Variants in MYO10 observed in about 807,000 individuals in gnomAD.
MYO10 encodes unconventional myosin-X.
Under a neutral mutation model 257.3 loss-of-function variants are expected in MYO10, and 133 were observed. The ratio of observed to expected loss-of-function variants is 0.52; its 90% CI spans 0.45 to 0.60. The LOEUF (loss-of-function observed/expected upper bound fraction) is 0.60. MYO10 is among the 20% of genes least tolerant of loss of function. The pLI is 0.00. For synonymous variants in MYO10, 1,104 were observed against 1,028.6 expected, an observed-to-expected ratio of 1.07 and a Z score of -1.40; for missense variants, 2,399 against 2,635.7, an observed-to-expected ratio of 0.91 and a Z score of 1.97.
chr5:16,797,117 A>G (rs1420133853), intron 3 of MYO10, among the ~76,000 whole-genome samples: 1 of 152,218 alleles, frequency 6.6e-6, no homozygotes, highest in African/African-American at 2.4e-5. Context: ...TTTGTTCAGT[A>G]TAACTTTTCA....
intron 4 of MYO10, among the ~76,000 whole-genome samples, chr5:16,789,316 T>A (rs1741686048): frequency 6.6e-6 from 1 of 152,214 alleles, no homozygotes; most frequent in Admixed American, 6.5e-5. Context: ...CTGCCATCTA[T>A]AACACTACTT....
chr5:16,851,957 G>A (rs1259151912), intron 2 of MYO10, among the ~76,000 whole-genome samples: 5 of 148,600 alleles, frequency 3.4e-5, no homozygotes, highest in East Asian at 2.0e-4. Context: ...AGGCTGAGAC[G>A]GAAGAATCGC....
intron 19 of MYO10, among the ~76,000 whole-genome samples, chr5:16,721,850 T>C (rs1187597385): frequency 1.3e-5 from 2 of 152,212 alleles, no homozygotes; most frequent in African/African-American, 2.4e-5. Flanking sequence ...TTCTAAGGGA[T>C]AGCTCTGGTT....
At chr5:16,755,169 T>C (rs1740492151) in intron 18 of MYO10, among the ~76,000 whole-genome samples, 1 of 152,226 alleles carries the variant, frequency 6.6e-6, no homozygotes, top group Non-Finnish European at 1.5e-5. Context: ...ATTTTATTTA[T>C]TTATTTATTT....
At chr5:16,914,967 C>T (rs912527397) in intron 1 of MYO10, among the ~76,000 whole-genome samples, 4 of 152,060 alleles carry the variant, frequency 2.6e-5, no homozygotes, top group African/African-American at 7.2e-5. Flanking sequence ...CTTAAATAAA[C>T]GGAAATTTCC....
At chr5:16,841,322 T>C (rs770580067) in intron 2 of MYO10, among the ~76,000 whole-genome samples, 3 of 152,136 alleles carry the variant, frequency 2.0e-5, no homozygotes, top group Non-Finnish European at 4.4e-5. Context: ...GACAATTATT[T>C]TGTGAGTTGA....
At position 16,839,085 on chromosome 5, in the gene MYO10, C is replaced by A. The variant is rs114480356; in HGVS notation, c.121-20918G>T. On this transcript the variant is annotated intron_variant, in intron 2 of 40. Coordinates refer to ENST00000513610, the MANE Select transcript of MYO10 (RefSeq NM_012334.3). The stretch of plus-strand genomic sequence containing the variant: ...AAGACAACACCCATTCTGCAGCCCA[C>A]GGATCAAGGAGTAACTTTGACTCTC... 3.3e-5 allele frequency among the ~76,000 whole-genome samples: 5 copies of A among 152,110 alleles called. No homozygotes were observed. In the East Asian group the frequency reaches 7.7e-4, roughly 23 times the overall value.
chr5:16,740,792 T>A (rs1017921022), intron 19 of MYO10, among the ~76,000 whole-genome samples: 2 of 151,828 alleles, frequency 1.3e-5, no homozygotes, highest in African/African-American at 2.4e-5. Context: ...AGGTAGAAAA[T>A]ATGTGGCATT....
At chr5:16,718,988 A>G (rs988243635) in intron 19 of MYO10, among the ~76,000 whole-genome samples, 6 of 152,192 alleles carry the variant, frequency 3.9e-5, no homozygotes, top group Non-Finnish European at 5.9e-5. Flanking sequence ...GGGGCCAGAT[A>G]AGAGAATAAA....
At chr5:16,933,547 C>T (rs1410614845) in intron 1 of MYO10, among the ~76,000 whole-genome samples, 1 of 152,170 alleles carries the variant, frequency 6.6e-6, no homozygotes, top group African/African-American at 2.4e-5. Flanking sequence ...TTAGCAAAGA[C>T]AGAATTCTAC....
chr5:16,865,003 A>T lies in MYO10; in HGVS notation c.120+12606T>A, dbSNP rs1027314928. ...TAGGCTGGTGTTTAGTGTCCATCTC[A>T]GAGGTGGGTATTTCCAGGAGCAACA... On this transcript the variant is annotated intron_variant, in intron 2 of 40. Coordinates refer to ENST00000513610, the MANE Select transcript of MYO10 (RefSeq NM_012334.3). Among the ~76,000 whole-genome samples the T allele has an allele frequency of 1.4e-4, 21 of 152,330 alleles. No individual in the cohort carries two copies. The Middle Eastern group carries it at 0.014, about 99-fold the overall frequency.
intron 2 of MYO10, among the ~76,000 whole-genome samples, chr5:16,856,759 C>T (rs1020832950): frequency 6.6e-6 from 1 of 151,992 alleles, no homozygotes; most frequent in Non-Finnish European, 1.5e-5. Flanking sequence ...AGGGATGAGT[C>T]CAACGCTGCA....
intron 1 of MYO10, among the ~76,000 whole-genome samples, chr5:16,928,268 C>G (rs545316444): frequency 4.6e-5 from 7 of 152,102 alleles, no homozygotes; most frequent in African/African-American, 7.2e-5. Flanking sequence ...TGCAGTGGCT[C>G]ACCGTAATCT....
At chr5:16,898,981 A>G (rs1745299120) in intron 1 of MYO10, among the ~76,000 whole-genome samples, 1 of 143,064 alleles carries the variant, frequency 7.0e-6, no homozygotes, top group African/African-American at 2.5e-5. Flanking sequence ...CTAAAAATAC[A>G]AAAATTAGCT....
rs1247784891 is a variant in MYO10 at position 16,663,659 on chromosome 5, C to G, written c.*3033G>C. ...AGGTTGAGGCTGCAATGAGCTGTGACTGTGCCTCTGCACTGTAGCCTGGTG... is the reference window on the plus strand; with the variant it reads ...AGGTTGAGGCTGCAATGAGCTGTGAGTGTGCCTCTGCACTGTAGCCTGGTG... On this transcript the variant is annotated 3_prime_UTR_variant, in exon 41 of 41. Coordinates refer to ENST00000513610, the MANE Select transcript of MYO10 (RefSeq NM_012334.3). The G allele has an allele frequency of 1.3e-5, 2 of 152,152 alleles. No homozygotes were observed. The highest frequency in any genetic ancestry group is 4.1e-4 in the South Asian group (2 of 4,828). The allele number at this position is 152,152 out of a possible 1,614,324, so 9.4% of individuals were successfully genotyped here.
At chr5:16,818,499 T>C (rs1462690737) in intron 2 of MYO10, among the ~76,000 whole-genome samples, 1 of 151,446 alleles carries the variant, frequency 6.6e-6, no homozygotes, top group Non-Finnish European at 1.5e-5. Context: ...TGCAGTGGCA[T>C]GATTACAGCT....
At chr5:16,668,592 A>AT (rs1736289763) in intron 39 of MYO10, 124 bp from the exon 40 acceptor site, 1 of 684,172 alleles carries the variant, frequency 1.5e-6, no homozygotes, top group African/African-American at 1.8e-5. Context: ...TTCGATGTGC[A>AT]TGCATGCATG....
At chr5:16,746,330 A>C (rs1740195681) in intron 19 of MYO10, among the ~76,000 whole-genome samples, 1 of 152,072 alleles carries the variant, frequency 6.6e-6, no homozygotes, top group Non-Finnish European at 1.5e-5. Flanking sequence ...TATGACCTGT[A>C]TTTTGTGCTG....
chr5:16,774,150 A>G (rs1214993726), intron 9 of MYO10, among the ~76,000 whole-genome samples: 1 of 152,230 alleles, frequency 6.6e-6, no homozygotes, highest in Non-Finnish European at 1.5e-5. Flanking sequence ...TCTATGATTC[A>G]GCACATAAAA....
Sources: gnomAD v4.1 joint callset for allele counts (sites outside exome capture counted in the v4.1 genomes callset) on GRCh38, gnomAD v4.1.1 for gene constraint, MANE v1.5 for transcripts, NCBI Gene and HGNC (gene_info 2026-07-23, HGNC 2026-07-21) for gene names.